The following CTNNA2 variants were observed in gnomAD, a reference collection of about 807,000 sequenced individuals.
CTNNA2 encodes catenin alpha-2.
A neutral mutation model predicts 101.0 loss-of-function variants in CTNNA2; 42 were observed. That is an observed-to-expected ratio of 0.42 (90% confidence interval 0.32 to 0.54). The LOEUF (loss-of-function observed/expected upper bound fraction) is 0.54. Among genes scored for constraint, CTNNA2 ranks in the 20% least tolerant of loss-of-function variants. The pLI, the probability that CTNNA2 is intolerant of heterozygous loss-of-function variation, is 0.14. For synonymous variants in CTNNA2, 450 were observed against 456.4 expected (o/e 0.99, Z 0.18); for missense variants, 871 against 1,223.1 (o/e 0.71, Z 4.29).
chr2:79,566,980 T>G (rs1485756760), intron 1 of CTNNA2, among the ~76,000 whole-genome samples: 1 of 152,098 alleles, frequency 6.6e-6, no homozygotes, highest in East Asian at 1.9e-4. Context: ...GACAAGAACG[T>G]AAATGAAAAC....
intron 6 of CTNNA2, among the ~76,000 whole-genome samples, chr2:79,904,839 A>C (rs936347973): frequency 1.3e-5 from 2 of 152,226 alleles, no homozygotes; most frequent in Admixed American, 6.5e-5. Context: ...TTGTGGAGAC[A>C]ATGAATGATA....
chr2:79,805,523 T>C (rs1173267107), intron 3 of CTNNA2, among the ~76,000 whole-genome samples: 1 of 152,180 alleles, frequency 6.6e-6, no homozygotes, highest in East Asian at 1.9e-4. Context: ...ATTTATGGAT[T>C]AGGCATGCTC....
intron 9 of CTNNA2, among the ~76,000 whole-genome samples, chr2:80,430,242 A>G (rs1286374039): frequency 1.3e-5 from 2 of 152,210 alleles, no homozygotes; most frequent in African/African-American, 4.8e-5. Flanking sequence ...AATAGAGGGC[A>G]ATTAACTATG....
At chr2:79,257,830 T>C (rs1395718315) in intron 2 of CTNNA2, among the ~76,000 whole-genome samples, 1 of 151,860 alleles carries the variant, frequency 6.6e-6, no homozygotes, top group East Asian at 1.9e-4. Flanking sequence ...AAGAAATTTA[T>C]TGTCTCATAG....
At chr2:79,353,066 C>A (rs1309812085) in intron 3 of CTNNA2, among the ~76,000 whole-genome samples, 1 of 152,172 alleles carries the variant, frequency 6.6e-6, no homozygotes, top group Non-Finnish European at 1.5e-5. Flanking sequence ...CCCCCATGAT[C>A]CAATCACCTC....
intron 2 of CTNNA2, among the ~76,000 whole-genome samples, chr2:79,221,153 T>C (rs543323917): frequency 6.6e-6 from 1 of 152,096 alleles, no homozygotes; most frequent in Non-Finnish European, 1.5e-5. Context: ...TTGTTTTGTT[T>C]TTGTTGTTGT....
chr2:79,223,927 A>G (rs1674377066), intron 2 of CTNNA2, among the ~76,000 whole-genome samples: 1 of 152,196 alleles, frequency 6.6e-6, no homozygotes, highest in Non-Finnish European at 1.5e-5. Context: ...AATATTCCAA[A>G]TGATTCTAAT....
intron 2 of CTNNA2, among the ~76,000 whole-genome samples, chr2:79,225,428 T>C (rs746429746): frequency 6.6e-6 from 1 of 152,190 alleles, no homozygotes; most frequent in Non-Finnish European, 1.5e-5. Flanking sequence ...CATTAGTATA[T>C]AACATCTAAA....
rs115862444 is a variant in CTNNA2 at position 80,077,715 on chromosome 2, T to C, written c.1056+167918T>C. On this transcript the variant is annotated intron_variant, in intron 7 of 18. Coordinates refer to ENST00000402739, the MANE Select transcript of CTNNA2 (RefSeq NM_001282597.3). ...CTCAAAAGAATATATACTGTATTAT[T>C]TTACTTATATAATTTTTTAAAAATA... Among the ~76,000 whole-genome samples the C allele has an allele frequency of 1.5e-3, 231 of 152,312 alleles. 2 individuals carry two copies. The Middle Eastern group carries it at 0.017, about 11-fold the overall frequency.
At chr2:79,809,025 T>C (rs1676800242) in intron 3 of CTNNA2, among the ~76,000 whole-genome samples, 1 of 152,010 alleles carries the variant, frequency 6.6e-6, no homozygotes, top group South Asian at 2.1e-4. Context: ...CACTTATGAG[T>C]GAGAACATGC....
chr2:79,442,167 T>C (rs1392026958), intron 4 of CTNNA2, among the ~76,000 whole-genome samples: 1 of 152,220 alleles, frequency 6.6e-6, no homozygotes, highest in Admixed American at 6.5e-5. Context: ...TAATGTATTT[T>C]ATTATTTTAT....
chr2:79,794,896 C>G lies in CTNNA2; in HGVS notation c.298+50314C>G, dbSNP rs1201894134. The stretch of plus-strand genomic sequence containing the variant: ...GAGAATGTGAGGATATGGAGCCGTG[C>G]GGTTGATTTTCATGTCCTATACCGG... On this transcript the variant is annotated intron_variant, in intron 3 of 18. Coordinates refer to ENST00000402739, the MANE Select transcript of CTNNA2 (RefSeq NM_001282597.3). Among the ~76,000 whole-genome samples the G allele has an allele frequency of 2.6e-5, 4 of 152,086 alleles. No individual in the cohort carries two copies. The South Asian group carries it at 8.3e-4, about 32-fold the overall frequency.
chr2:79,771,193 A>C (rs1019969748), intron 3 of CTNNA2, among the ~76,000 whole-genome samples: 1 of 152,200 alleles, frequency 6.6e-6, no homozygotes, highest in African/African-American at 2.4e-5. Context: ...ATCCTTGTAG[A>C]TGGCATCAAA....
chr2:80,132,058 G>A (rs1474475296), intron 7 of CTNNA2, among the ~76,000 whole-genome samples: 1 of 152,132 alleles, frequency 6.6e-6, no homozygotes, highest in African/African-American at 2.4e-5. Flanking sequence ...TCCAGCCTGG[G>A]TGACAAGAGT....
At chr2:79,924,226 T>C (rs1337392188) in intron 7 of CTNNA2, among the ~76,000 whole-genome samples, 3 of 149,206 alleles carry the variant, frequency 2.0e-5, no homozygotes, top group Admixed American at 6.7e-5. Flanking sequence ...ATCATCTTTT[T>C]TAAAACCTCA....
At position 80,647,440 on chromosome 2, in the gene CTNNA2, C is replaced by G. The variant is rs1309406353; in HGVS notation, c.2575-145C>G. On this transcript the variant is annotated intron_variant, in intron 18 of 18. Coordinates refer to ENST00000402739, the MANE Select transcript of CTNNA2 (RefSeq NM_001282597.3). The stretch of plus-strand genomic sequence containing the variant: ...TTAGCTGTATTGAGATTTTAAAAAC[C>G]TTAACTTGTGATAATTTGCTCCTTT... 5.9e-6 allele frequency: 4 copies of G among 681,862 alleles called. No individual in the cohort carries two copies. The Admixed American group carries it at 9.7e-5, about 17-fold the overall frequency. The allele number at this position is 681,862 out of a possible 1,614,324, so 42.2% of individuals were successfully genotyped here. A position where few individuals can be genotyped will look rare whatever the true frequency, so the allele number is the denominator to read the frequency against.
chr2:79,466,251 G>A (rs928035750), intron 4 of CTNNA2, among the ~76,000 whole-genome samples: 1 of 152,182 alleles, frequency 6.6e-6, no homozygotes, highest in Non-Finnish European at 1.5e-5. Context: ...TGGCTTGGAG[G>A]GTCCCATGCC....
chr2:79,778,559 C>T (rs1313618231), intron 3 of CTNNA2, among the ~76,000 whole-genome samples: 1 of 152,076 alleles, frequency 6.6e-6, no homozygotes, highest in Non-Finnish European at 1.5e-5. Flanking sequence ...CATATATATA[C>T]ACATGCATAA....
intron 12 of CTNNA2, among the ~76,000 whole-genome samples, chr2:80,559,523 G>C (rs1347295): frequency 0.029 from 4,358 of 152,250 alleles, 118 homozygotes; most frequent in East Asian, 0.1. Flanking sequence ...ACAGTGCTTT[G>C]CTTAAGAGTG....
Sources: gnomAD v4.1 joint callset for allele counts (sites outside exome capture counted in the v4.1 genomes callset) on GRCh38, gnomAD v4.1.1 for gene constraint, MANE v1.5 for transcripts, NCBI Gene and HGNC (gene_info 2026-07-23, HGNC 2026-07-21) for gene names.